ANKRD30B: variants seen among roughly 807,000 people sequenced by gnomAD.
ANKRD30B encodes ankyrin repeat domain-containing protein 30B.
ANKRD30B carries 144 observed loss-of-function variants against 202.2 expected under a neutral mutation model. The observed-to-expected ratio is 0.71, with a 90% confidence interval of 0.62 to 0.82. The LOEUF is 0.82. ANKRD30B is among the 40% of genes least tolerant of loss of function. ANKRD30B has a pLI of 0.00. For synonymous variants in ANKRD30B, 508 were observed against 561.3 expected (o/e 0.91, Z 1.34); for missense variants, 1,487 against 1,669.1 (o/e 0.89, Z 1.90).
rs1213220414 is a variant in ANKRD30B, at chr18:14,763,886, A to C, written c.1021A>C (p.Arg341=). 3 of 1,612,038 alleles carry C rather than the reference A, an allele frequency of 1.9e-6. No individual in the cohort carries two copies. In the African/African-American group the frequency reaches 4.0e-5, roughly 22 times the overall value. The change falls in exon 7 of 44, where the codon AGG becomes CGG. Residue 341 remains arginine (R), a synonymous_variant. Coordinates refer to ENST00000690538, the MANE Select transcript of ANKRD30B (RefSeq NM_001367607.2). ...AGAAGAAACACCTAGGAAAATTTTG[A>C]GGCCTACAAAAGAAACATCTGAGAA... ...STEETPRKIL[R]PTKETSEKFS... is the part of the protein sequence containing the mutation.
In ANKRD30B at chr18:14,777,964, T is replaced by C. The variant is rs145334397; in HGVS notation, c.1330-21T>C. On this transcript the variant is annotated intron_variant, in intron 9 of 43. Transcript: ENST00000690538. ...AAAAAAAGGAAAAAGACAAATTATTTATTGGTATTACCTTTAACAGATTAT... is the reference window on the plus strand; with the variant it reads ...AAAAAAAGGAAAAAGACAAATTATTCATTGGTATTACCTTTAACAGATTAT... 1,851 of 1,498,000 alleles carry C rather than the reference T, an allele frequency of 1.2e-3. 8 individuals are homozygous for C. The highest frequency in any genetic ancestry group is 2.2e-3 in the South Asian group (177 of 80,536). The allele number at this position is 1,498,000 out of a possible 1,614,324, so 92.8% of individuals were successfully genotyped here.
In ANKRD30B at chr18:14,797,785, A is replaced by C. The variant is rs1158601235; in HGVS notation, c.1960A>C (p.Thr654Pro). Residue 654 changes from threonine (T) to proline (P), a missense_variant, in exon 20 of 44, where the codon ACC becomes CCC. By Grantham distance (38) the Thr-to-Pro change is conservative. Transcript: ENST00000690538. ...TTGTGTTTCCGAACCCATTTAGCCT[A>C]CCTGTGGAAGGAAAGTTTCTCTTCC... ...SPDKDGLLKP[T>P]CGRKVSLPNK... 1 of 1,563,216 alleles carries C rather than the reference A, an allele frequency of 6.4e-7. No homozygotes were observed. Among genetic ancestry groups the C allele is most frequent in the Non-Finnish European group, 8.7e-7 (1 of 1,153,018 alleles).
At chr18:14,790,113 G>A (rs1568013388) in intron 15 of ANKRD30B, among the ~76,000 whole-genome samples, 1 of 152,090 alleles carries the variant, frequency 6.6e-6, no homozygotes, top group Non-Finnish European at 1.5e-5. Flanking sequence ...CATGTCCCTT[G>A]TAAGTTGGAT....
chr18:14,836,350 C>T (rs185621509), intron 34 of ANKRD30B, among the ~76,000 whole-genome samples: 158 of 152,224 alleles, frequency 1.0e-3, no homozygotes, highest in African/African-American at 3.7e-3. Flanking sequence ...TAGGAAGTAG[C>T]CATGAAATGC....
At chr18:14,762,006 C>T (rs1250610688) in intron 6 of ANKRD30B, among the ~76,000 whole-genome samples, 1 of 152,092 alleles carries the variant, frequency 6.6e-6, no homozygotes, top group Non-Finnish European at 1.5e-5. Flanking sequence ...CACATAGTTT[C>T]TATTTTATAT....
chr18:14,914,207 C>T, the ANKRD30B span, among the ~76,000 whole-genome samples: 1,998 of 152,268 alleles, frequency 0.013, 19 homozygotes, highest in Non-Finnish European at 0.019. Flanking sequence ...TTTCTCTGTT[C>T]CTCCATGTTT....
chr18:14,752,501 C>A, intron 1 of ANKRD30B, 65 bp from the exon 2 acceptor site: 2 of 1,210,494 alleles, frequency 1.7e-6, no homozygotes. Flanking sequence ...TTACAATTAC[C>A]TAAATCGTTG....
At chr18:14,940,857 G>A in the ANKRD30B span, among the ~76,000 whole-genome samples, 1 of 152,160 alleles carries the variant, frequency 6.6e-6, no homozygotes, top group Non-Finnish European at 1.5e-5. Flanking sequence ...GGCAGGAGTT[G>A]AGGGTGGGCA....
chr18:14,760,522 A>T, intron 5 of ANKRD30B, 32 bp from the exon 6 acceptor site: 1 of 1,176,354 alleles, frequency 8.5e-7, no homozygotes, highest in Non-Finnish European at 1.2e-6. Flanking sequence ...TTGTTAAAAT[A>T]GTAATTTTAT....
chr18:14,902,592 C>A, the ANKRD30B span, among the ~76,000 whole-genome samples: 1 of 152,154 alleles, frequency 6.6e-6, no homozygotes, highest in Admixed American at 6.5e-5. Flanking sequence ...TGGTCCTACT[C>A]TCCTGCAGGG....
intron 15 of ANKRD30B, 143 bp from the exon 16 acceptor site, chr18:14,791,258 T>G: frequency 1.6e-6 from 1 of 623,474 alleles, no homozygotes; most frequent in East Asian, 3.0e-5. Context: ...TGTTTTGATT[T>G]TCTATACGTG....
At chr18:14,807,998 C>A (rs142986427) in intron 24 of ANKRD30B, among the ~76,000 whole-genome samples, 3,348 of 151,090 alleles carry the variant, frequency 0.022, 172 homozygotes, top group Non-Finnish European at 0.039. Context: ...GATATTTATG[C>A]TGATAAATTT....
chr18:14,907,647 G>A, the ANKRD30B span, among the ~76,000 whole-genome samples: 1 of 152,174 alleles, frequency 6.6e-6, no homozygotes, highest in Non-Finnish European at 1.5e-5. Context: ...TTGGGAGGCC[G>A]AGGCTGTCTG....
the ANKRD30B span, chr18:14,888,798 A>G: frequency 8.9e-7 from 1 of 1,117,782 alleles, no homozygotes; most frequent in Non-Finnish European, 1.3e-6. Context: ...AAGGCAACAA[A>G]CATTTCCCCT....
intron 12 of ANKRD30B, 132 bp downstream of exon 12, chr18:14,782,746 A>G (rs887747299): frequency 1.9e-6 from 1 of 527,590 alleles, no homozygotes; most frequent in South Asian, 4.0e-5. Flanking sequence ...GAGTAAAATG[A>G]TAAGTTATGT....
the ANKRD30B span, among the ~76,000 whole-genome samples, chr18:14,867,567 G>A: frequency 6.6e-6 from 1 of 152,200 alleles, no homozygotes; most frequent in Non-Finnish European, 1.5e-5. Flanking sequence ...CTCTTGCTCT[G>A]TGTTGTGGAG....
the ANKRD30B span, among the ~76,000 whole-genome samples, chr18:14,934,701 C>G: frequency 6.6e-6 from 1 of 152,028 alleles, no homozygotes; most frequent in Non-Finnish European, 1.5e-5. Flanking sequence ...GAAGCCTGAA[C>G]GTTGGGAATA....
At chr18:14,808,062 T>G (rs1309153048) in intron 24 of ANKRD30B, among the ~76,000 whole-genome samples, 2 of 151,122 alleles carry the variant, frequency 1.3e-5, no homozygotes, top group African/African-American at 4.9e-5. Context: ...TCATCGGAGC[T>G]TTGCAATTCT....
chr18:14,891,252 T>C, the ANKRD30B span, among the ~76,000 whole-genome samples: 21 of 151,810 alleles, frequency 1.4e-4, no homozygotes, highest in East Asian at 4.1e-3. Context: ...CATTCTCTTA[T>C]TTATTTTTTT....
Sources: allele counts gnomAD v4.1 joint callset (sites outside exome capture counted in the v4.1 genomes callset), GRCh38; gene constraint gnomAD v4.1.1; transcripts MANE v1.5; gene names NCBI Gene and HGNC (gene_info 2026-07-23, HGNC 2026-07-21).